The following TPX2 variants were observed in gnomAD, a reference collection of about 807,000 sequenced individuals.
The protein encoded by TPX2 is targeting protein for Xklp2.
TPX2 carries 21 observed loss-of-function variants against 93.6 expected under a neutral mutation model. The ratio of observed to expected loss-of-function variants is 0.22; its 90% CI spans 0.16 to 0.32. TPX2 has a LOEUF of 0.32. Among genes scored for constraint, TPX2 ranks in the 10% least tolerant of loss-of-function variants. The probability of loss-of-function intolerance (pLI) is 1.00; values close to 1 mark genes in which losing one functional copy is unlikely to be tolerated. For missense variants in TPX2, 776 were observed against 871.1 expected (o/e 0.89, Z 1.37); for synonymous variants, 281 against 298.3 (o/e 0.94, Z 0.60).
intron 12 of TPX2, among the ~76,000 whole-genome samples, chr20:31,784,957 T>C (rs1370684558): frequency 6.6e-6 from 1 of 152,210 alleles, no homozygotes; most frequent in African/African-American, 2.4e-5. Context: ...TTTCCTATCT[T>C]CTTTCTTTTT....
chr20:31,774,655 A>G (rs1456298169), intron 7 of TPX2, among the ~76,000 whole-genome samples: 1 of 152,222 alleles, frequency 6.6e-6, no homozygotes, highest in African/African-American at 2.4e-5. Flanking sequence ...TAGGCAGCAA[A>G]TGAAATGACA....
chr20:31,768,261 G>A (rs1361397084), intron 5 of TPX2, among the ~76,000 whole-genome samples: 2 of 143,152 alleles, frequency 1.4e-5, no homozygotes, highest in Non-Finnish European at 3.0e-5. Flanking sequence ...TTTTTCAGAC[G>A]AGTCTCGCTC....
intron 5 of TPX2, among the ~76,000 whole-genome samples, chr20:31,769,217 AAAAC>A (rs1200704477): frequency 6.6e-6 from 1 of 151,978 alleles, no homozygotes; most frequent in Non-Finnish European, 1.5e-5. Context: ...ATAAAAAAAA[AAAAC>A]CACAAAATTT....
intron 12 of TPX2, among the ~76,000 whole-genome samples, chr20:31,789,632 CTT>C (rs1466078489): frequency 4.6e-5 from 7 of 151,376 alleles, no homozygotes; most frequent in Admixed American, 4.6e-4. Context: ...CAAAAAAAAA[CTT>C]TCTTTGTTTC....
chr20:31,746,385 A>G (rs961531500), intron 2 of TPX2, among the ~76,000 whole-genome samples: 5 of 152,174 alleles, frequency 3.3e-5, no homozygotes, highest in Admixed American at 3.3e-4. Flanking sequence ...ACTCCACTCT[A>G]TTTTACTTGT....
At position 31,791,374 on chromosome 20, in the gene TPX2, C is replaced by A. The variant is rs550388035; in HGVS notation, c.1414-1361C>A. On this transcript the variant is annotated intron_variant, in intron 12 of 17. Coordinates refer to ENST00000300403, the MANE Select transcript of TPX2 (RefSeq NM_012112.5). ...TCTTGGCTCACTGCAAGCTCCGCCT[C>A]CTGGGTTCACGCCAGTCTCCTGCCT... Among the ~76,000 whole-genome samples the A allele has an allele frequency of 3.3e-5, 5 of 152,312 alleles. No homozygotes were observed. In the South Asian group the frequency reaches 1.0e-3, roughly 32 times the overall value.
intron 12 of TPX2, among the ~76,000 whole-genome samples, chr20:31,789,911 G>A (rs980544401): frequency 6.6e-6 from 1 of 152,156 alleles, no homozygotes; most frequent in African/African-American, 2.4e-5. Context: ...AGAACTAAAT[G>A]AATCCTCAAT....
At chr20:31,791,748 C>A (rs2062102710) in intron 12 of TPX2, among the ~76,000 whole-genome samples, 1 of 152,150 alleles carries the variant, frequency 6.6e-6, no homozygotes, top group African/African-American at 2.4e-5. Context: ...GGCAATGAAA[C>A]TTTAGGGAAG....
intron 4 of TPX2, 99 bp downstream of exon 4, chr20:31,760,278 T>G: frequency 6.9e-7 from 1 of 1,452,668 alleles, no homozygotes; most frequent in Non-Finnish European, 9.4e-7. Context: ...CTCTATCTCT[T>G]TGTTTATTAT....
At chr20:31,750,347 G>A (rs1600354664) in intron 2 of TPX2, among the ~76,000 whole-genome samples, 2 of 151,896 alleles carry the variant, frequency 1.3e-5, no homozygotes, top group East Asian at 1.9e-4. Context: ...AGTAGAGACA[G>A]GGTTTCTCCA....
At position 31,800,849 on chromosome 20, in the gene TPX2, A is replaced by G. The variant is rs948009230; in HGVS notation, c.2134-121A>G. The stretch of plus-strand genomic sequence containing the variant: ...CCCCAGGCCCCACTCCCCACACCTG[A>G]AACTAGTGACTGGGACCTGTAAAAC... On this transcript the variant is annotated intron_variant, in intron 17 of 17. Coordinates refer to ENST00000300403, the MANE Select transcript of TPX2 (RefSeq NM_012112.5). 9 of 821,634 alleles carry G rather than the reference A, an allele frequency of 1.1e-5. No homozygotes were observed. In the Admixed American group the frequency reaches 1.8e-4, roughly 16 times the overall value. The allele number at this position is 821,634 out of a possible 1,614,324, so 50.9% of individuals were successfully genotyped here.
chr20:31,743,190 G>T (rs2061763627), intron 2 of TPX2, among the ~76,000 whole-genome samples: 1 of 152,096 alleles, frequency 6.6e-6, no homozygotes, highest in Admixed American at 6.6e-5. Context: ...ACTCCAGCCA[G>T]CAAGACTCTG....
At chr20:31,790,690 C>T (rs2062094806) in intron 12 of TPX2, among the ~76,000 whole-genome samples, 1 of 152,292 alleles carries the variant, frequency 6.6e-6, no homozygotes, top group Non-Finnish European at 1.5e-5. Context: ...TTCTGTTACT[C>T]ATGTGTTCAT....
intron 2 of TPX2, among the ~76,000 whole-genome samples, chr20:31,745,435 T>C (rs1430478863): frequency 6.6e-6 from 1 of 151,858 alleles, no homozygotes; most frequent in Non-Finnish European, 1.5e-5. Flanking sequence ...GTTCAAGTGA[T>C]TCTCCTGCCT....
chr20:31,766,806 T>TC, intron 5 of TPX2, 124 bp downstream of exon 5: 3 of 1,126,116 alleles, frequency 2.7e-6, no homozygotes, highest in Non-Finnish European at 3.5e-6. Context: ...TTTTTTTTTT[T>TC]TTTTTTTTTT....
chr20:31,782,155 G>A, intron 10 of TPX2, 94 bp from the exon 11 acceptor site: 2 of 1,488,964 alleles, frequency 1.3e-6, no homozygotes, highest in Admixed American at 2.2e-5. Context: ...TCTGTGGTTG[G>A]TTTATCCCTC....
chr20:31,752,807 G>A (rs1174322080), intron 2 of TPX2, among the ~76,000 whole-genome samples: 1 of 151,936 alleles, frequency 6.6e-6, no homozygotes, highest in African/African-American at 2.4e-5. Context: ...GTAGAGACGG[G>A]GTTTCACCAT....
chr20:31,784,054 T>C (rs867844584), intron 12 of TPX2, 133 bp downstream of exon 12: 7 of 976,728 alleles, frequency 7.2e-6, no homozygotes, highest in South Asian at 3.1e-5. Context: ...AAGAGACTTA[T>C]CGGAAGTGGA....
At chr20:31,758,853 G>A (rs1001227441) in intron 3 of TPX2, among the ~76,000 whole-genome samples, 4 of 152,066 alleles carry the variant, frequency 2.6e-5, no homozygotes, top group Non-Finnish European at 5.9e-5. Flanking sequence ...TAAGGAAATG[G>A]CTGGGCTGTC....
Sources: allele counts gnomAD v4.1 joint callset (sites outside exome capture counted in the v4.1 genomes callset), GRCh38; gene constraint gnomAD v4.1.1; transcripts MANE v1.5; gene names NCBI Gene and HGNC (gene_info 2026-07-23, HGNC 2026-07-21).